The following NAV2 variants were observed in gnomAD, a reference collection of about 807,000 sequenced individuals.
The protein encoded by NAV2 is helicase, APC down-regulated 1.
A neutral mutation model predicts 223.2 loss-of-function variants in NAV2; 54 were observed. The ratio of observed to expected loss-of-function variants is 0.24; its 90% CI spans 0.19 to 0.30. The LOEUF (loss-of-function observed/expected upper bound fraction) is 0.30, where lower values mean the gene tolerates loss of function less well. Ranked by LOEUF, NAV2 falls within the 10% of genes least tolerant of loss-of-function variation. The pLI is 1.00. For missense variants in NAV2, 2,806 were observed against 3,147.5 expected (o/e 0.89, Z 2.60); for synonymous variants, 1,279 against 1,239.3 (o/e 1.03, Z -0.67).
At chr11:19,907,109 A>G (rs994837703) in intron 6 of NAV2, among the ~76,000 whole-genome samples, 1 of 49,524 alleles carries the variant, frequency 2.0e-5, no homozygotes, top group South Asian at 1.0e-3. Flanking sequence ...TTTCCGTGAG[A>G]TGAAACCATA....
In NAV2 at chr11:19,583,806, A is replaced by G. The variant is rs996413832; in HGVS notation, c.75+232779A>G. 2.6e-5 allele frequency among the ~76,000 whole-genome samples: 4 copies of G among 152,170 alleles called. No homozygotes were observed. In the South Asian group the frequency reaches 6.2e-4, roughly 24 times the overall value. The stretch of plus-strand genomic sequence containing the variant: ...GTATTTTACTGAGGATTTTTGCATC[A>G]ATGTTCATCAGGGATATTGGTCTAA... On this transcript the variant is annotated intron_variant, in intron 1 of 37. Coordinates refer to the NAV2 transcript ENST00000360655.
chr11:20,027,359 C>T (rs2055202245), intron 11 of NAV2: 1 of 985,302 alleles, frequency 1.0e-6, no homozygotes, highest in Non-Finnish European at 1.2e-6. Context: ...ACGAGTTCCA[C>T]CAGTCTGGAC....
chr11:19,623,663 C>T (rs896603670), intron 1 of NAV2, among the ~76,000 whole-genome samples: 4 of 152,170 alleles, frequency 2.6e-5, no homozygotes, highest in Admixed American at 1.3e-4. Flanking sequence ...GTTAGCCATT[C>T]GTCTAATCTT....
At chr11:19,352,875 G>C (rs1404145183) in intron 1 of NAV2, among the ~76,000 whole-genome samples, 1 of 152,190 alleles carries the variant, frequency 6.6e-6, no homozygotes, top group African/African-American at 2.4e-5. Flanking sequence ...CACTGCAGTA[G>C]CTTCTGTTGG....
intron 1 of NAV2, among the ~76,000 whole-genome samples, chr11:19,578,698 G>A (rs372518822): frequency 6.6e-6 from 1 of 152,212 alleles, no homozygotes; most frequent in Non-Finnish European, 1.5e-5. Flanking sequence ...TAGGTCAGGG[G>A]TCTGCATATT....
intron 1 of NAV2, among the ~76,000 whole-genome samples, chr11:19,563,163 AG>A (rs757455807): frequency 1.3e-5 from 2 of 152,248 alleles, no homozygotes; most frequent in East Asian, 3.8e-4. Flanking sequence ...AATTTAGAGA[AG>A]ATCCGAAATC....
chr11:20,055,658 G>A (rs187067874), intron 18 of NAV2, 111 bp from the exon 19 acceptor site: 36 of 934,674 alleles, frequency 3.9e-5, no homozygotes, highest in Non-Finnish European at 4.9e-5. Flanking sequence ...TGGGAGAAGA[G>A]TTGGCAGAAA....
chr11:19,807,785 A>C (rs10833177), intron 1 of NAV2, among the ~76,000 whole-genome samples: 77,293 of 152,132 alleles, frequency 0.51, 21,626 homozygotes, highest in Middle Eastern at 0.68. Context: ...CTCTCAAAAA[A>C]TTCTCTCTCT....
chr11:20,033,826 G>A (rs1460519425), intron 11 of NAV2, among the ~76,000 whole-genome samples: 2 of 152,218 alleles, frequency 1.3e-5, no homozygotes, highest in African/African-American at 4.8e-5. Flanking sequence ...GGTTATGTGT[G>A]TGTGTGGCAG....
intron 1 of NAV2, among the ~76,000 whole-genome samples, chr11:19,522,995 G>C (rs1412075955): frequency 6.6e-6 from 1 of 152,206 alleles, no homozygotes; most frequent in Non-Finnish European, 1.5e-5. Flanking sequence ...AAGGCATGAG[G>C]CCATCTCCTA....
At chr11:19,486,494 T>C (rs573662240) in intron 1 of NAV2, among the ~76,000 whole-genome samples, 5 of 152,294 alleles carry the variant, frequency 3.3e-5, no homozygotes, top group Admixed American at 3.3e-4. Flanking sequence ...GTTACTCTCA[T>C]GCTGTTCTCG....
chr11:19,941,721 G>T lies in NAV2; in HGVS notation c.2146+1948G>T, dbSNP rs375488737. Among the ~76,000 whole-genome samples, 38 of 152,128 alleles carry T rather than the reference G, an allele frequency of 2.5e-4. No individual in the cohort carries two copies. The East Asian group carries it at 6.4e-3, about 26-fold the overall frequency. On this transcript the variant is annotated intron_variant, in intron 8 of 37. Coordinates refer to ENST00000349880, the MANE Select transcript of NAV2 (RefSeq NM_145117.5). ...TGAATTCCTTCTATAGCTTACTGAG[G>T]ACTCATCTTTCAGCCTCTGCTTGAA... is the stretch of plus-strand genomic sequence containing the variant.
At chr11:19,751,287 A>G (rs1304298842) in intron 1 of NAV2, among the ~76,000 whole-genome samples, 1 of 152,250 alleles carries the variant, frequency 6.6e-6, no homozygotes, top group East Asian at 1.9e-4. Flanking sequence ...CTCTTAACCA[A>G]TACTCATACT....
intron 1 of NAV2, among the ~76,000 whole-genome samples, chr11:19,663,836 T>G (rs912724010): frequency 6.6e-6 from 1 of 152,168 alleles, no homozygotes; most frequent in Non-Finnish European, 1.5e-5. Context: ...CCATATATCT[T>G]CGATGTTAAG....
At chr11:19,355,394 C>T (rs890505984) in intron 1 of NAV2, among the ~76,000 whole-genome samples, 11 of 152,008 alleles carry the variant, frequency 7.2e-5, no homozygotes, top group African/African-American at 1.5e-4. Flanking sequence ...AGTGTGAACT[C>T]GGGTTTAGTG....
chr11:20,063,163 T>C (rs576779132), intron 20 of NAV2, among the ~76,000 whole-genome samples: 6 of 152,288 alleles, frequency 3.9e-5, no homozygotes, highest in African/African-American at 1.4e-4. Flanking sequence ...TAGCACGTAG[T>C]AGGTATTTTT....
chr11:20,029,927 T>G (rs1025806319), intron 11 of NAV2, among the ~76,000 whole-genome samples: 2 of 152,238 alleles, frequency 1.3e-5, no homozygotes, highest in Admixed American at 6.5e-5. Flanking sequence ...TGCTTTTGTG[T>G]TGATTGTTCT....
intron 26 of NAV2, among the ~76,000 whole-genome samples, chr11:20,084,297 C>T (rs769805263): frequency 2.0e-5 from 3 of 152,156 alleles, no homozygotes; most frequent in Admixed American, 1.3e-4. Context: ...GAGGTTTCAC[C>T]GTATTGGTCA....
intron 7 of NAV2, among the ~76,000 whole-genome samples, chr11:19,938,191 G>A (rs993854462): frequency 4.6e-5 from 7 of 152,208 alleles, no homozygotes; most frequent in Admixed American, 1.3e-4. Context: ...ACAATAAGGG[G>A]TTTAGACCTT....
Sources: gnomAD v4.1 joint callset for allele counts (sites outside exome capture counted in the v4.1 genomes callset) on GRCh38, gnomAD v4.1.1 for gene constraint, MANE v1.5 for transcripts, NCBI Gene and HGNC (gene_info 2026-07-23, HGNC 2026-07-21) for gene names.